The following DHX15 variants were observed in gnomAD, a reference collection of about 807,000 sequenced individuals.
DHX15 encodes the protein DEAH-box helicase 15, also known as ATP-dependent RNA helicase DHX15.
Under a neutral mutation model 94.4 loss-of-function variants are expected in DHX15, and 11 were observed. The ratio of observed to expected loss-of-function variants is 0.12; its 90% confidence interval spans 0.07 to 0.19. DHX15 has a LOEUF of 0.19. Among genes scored for constraint, DHX15 ranks in the 10% least tolerant of loss-of-function variants. The pLI, the probability that DHX15 is intolerant of heterozygous loss-of-function variation, is 1.00. For synonymous variants in DHX15, 338 were observed against 329.9 expected (o/e 1.02, Z -0.27); for missense variants, 304 against 988.5 (o/e 0.31, Z 9.29).
chr4:24,562,680 C>G (rs191784897), intron 3 of DHX15, among the ~76,000 whole-genome samples: 37 of 152,328 alleles, frequency 2.4e-4, no homozygotes, highest in African/African-American at 8.9e-4. Flanking sequence ...CTTTATAAAA[C>G]ATAGTGTAAT....
chr4:24,576,098 TCA>T (rs1722262128), intron 2 of DHX15, 143 bp downstream of exon 2: 1 of 659,070 alleles, frequency 1.5e-6, no homozygotes, highest in African/African-American at 1.8e-5. Context: ...ACTCTGAAAT[TCA>T]GAGTGCCAAT....
At chr4:24,559,819 G>A (rs1227529324) in intron 3 of DHX15, among the ~76,000 whole-genome samples, 1 of 152,146 alleles carries the variant, frequency 6.6e-6, no homozygotes, top group African/African-American at 2.4e-5. Context: ...CAGAAATTTT[G>A]AAGGTGAGGC....
At chr4:24,583,384 T>G (rs60187487) in intron 1 of DHX15, among the ~76,000 whole-genome samples, 28,644 of 151,746 alleles carry the variant, frequency 0.19, 3,202 homozygotes, top group East Asian at 0.39. Flanking sequence ...TGTTTCGCCA[T>G]AAATACTAAA....
intron 3 of DHX15, among the ~76,000 whole-genome samples, chr4:24,561,000 A>C (rs1404638746): frequency 6.6e-6 from 1 of 152,232 alleles, no homozygotes; most frequent in Non-Finnish European, 1.5e-5. Flanking sequence ...AGTATATAAA[A>C]ATCTCTATGG....
chr4:24,543,217 T>C (rs191764928), intron 6 of DHX15, among the ~76,000 whole-genome samples, 191 bp from the exon 7 acceptor site: 6 of 152,266 alleles, frequency 3.9e-5, no homozygotes, highest in African/African-American at 1.4e-4. Context: ...AAATTTTGTT[T>C]ACACCACAAC....
At chr4:24,563,821 T>C (rs1410287376) in intron 3 of DHX15, among the ~76,000 whole-genome samples, 1 of 152,002 alleles carries the variant, frequency 6.6e-6, no homozygotes, top group Non-Finnish European at 1.5e-5. Flanking sequence ...ATCCCAGCAC[T>C]TTGGGAGGCC....
intron 3 of DHX15, among the ~76,000 whole-genome samples, chr4:24,563,752 T>C (rs895672308): frequency 5.3e-5 from 8 of 152,104 alleles, no homozygotes; most frequent in African/African-American, 1.7e-4. Flanking sequence ...GCTAGACTTT[T>C]GATAGTTGCT....
At chr4:24,543,177 T>TA in intron 6 of DHX15, 151 bp from the exon 7 acceptor site, 1 of 570,404 alleles carries the variant, frequency 1.8e-6, no homozygotes, top group Non-Finnish European at 3.0e-6. Flanking sequence ...GCCAATGCTT[T>TA]AAAAAGGTAA....
rs147696219 is a variant in DHX15, at chr4:24,545,646, T to G, written c.1249-2620A>C. ...ACACACACACAATGCAAAAGCGAACTAATAAATGACAAGATAAAAGCTTCT... is the reference window on the plus strand; with the variant it reads ...ACACACACACAATGCAAAAGCGAACGAATAAATGACAAGATAAAAGCTTCT... On this transcript the variant is annotated intron_variant, in intron 6 of 13. Coordinates refer to ENST00000336812, the MANE Select transcript of DHX15 (RefSeq NM_001358.3). Among the ~76,000 whole-genome samples, 22 of 152,274 alleles carry G rather than the reference T, an allele frequency of 1.4e-4. No individual in the cohort carries two copies. In the East Asian group the frequency reaches 4.1e-3, roughly 28 times the overall value.
intron 13 of DHX15, among the ~76,000 whole-genome samples, chr4:24,529,359 T>A (rs1381610023): frequency 6.6e-6 from 1 of 152,194 alleles, no homozygotes; most frequent in Non-Finnish European, 1.5e-5. Flanking sequence ...CTTTTCATGC[T>A]ATTCAAATGT....
chr4:24,528,829 G>A (rs1001278765), intron 13 of DHX15, among the ~76,000 whole-genome samples: 4 of 151,856 alleles, frequency 2.6e-5, no homozygotes, highest in African/African-American at 9.7e-5. Context: ...TGCCTGCACA[G>A]TTCCTAAAAA....
intron 3 of DHX15, among the ~76,000 whole-genome samples, chr4:24,559,375 T>TAAAAAAAAAAA (rs535455690): frequency 4.3e-5 from 4 of 93,360 alleles, no homozygotes; most frequent in Non-Finnish European, 6.8e-5. Flanking sequence ...TTTAAGCCAC[T>TAAAAAAAAAAA]AAAAAAAAAA....
chr4:24,563,066 T>C (rs1721917172), intron 3 of DHX15: 1 of 151,958 alleles, frequency 6.6e-6, no homozygotes, highest in South Asian at 2.1e-4. Context: ...ATAGGTCTTA[T>C]ATTTAAATGT....
intron 3 of DHX15, among the ~76,000 whole-genome samples, chr4:24,568,274 C>T (rs975118658): frequency 1.1e-4 from 17 of 152,172 alleles, no homozygotes; most frequent in African/African-American, 4.1e-4. Flanking sequence ...TTTAATGAAG[C>T]ATTCCCATTA....
chr4:24,553,114 G>C (rs913467751), intron 5 of DHX15, among the ~76,000 whole-genome samples: 1 of 152,078 alleles, frequency 6.6e-6, no homozygotes, highest in African/African-American at 2.4e-5. Context: ...CCTGAAGTTG[G>C]GAGTTCAAGA....
At position 24,536,381 on chromosome 4, in the gene DHX15, CAA is replaced by C. The variant is rs1400124040; in HGVS notation, c.1909+668_1909+669del. Among the ~76,000 whole-genome samples, 6 of 152,164 alleles carry C rather than the reference CAA, an allele frequency of 3.9e-5. No individual in the cohort carries two copies. The East Asian group carries it at 1.2e-3, about 29-fold the overall frequency. On this transcript the variant is annotated intron_variant, in intron 11 of 13. Coordinates refer to ENST00000336812, the MANE Select transcript of DHX15 (RefSeq NM_001358.3). ...ATAACTTTCTAAATTATTTCTGGGTCAAAGAGTATACAGTTGCTAAAGTTCCT... is the reference window on the plus strand; with the variant it reads ...ATAACTTTCTAAATTATTTCTGGGTCAGAGTATACAGTTGCTAAAGTTCCT...
chr4:24,582,583 T>C (rs1299216812), intron 1 of DHX15, among the ~76,000 whole-genome samples: 1 of 152,230 alleles, frequency 6.6e-6, no homozygotes, highest in Non-Finnish European at 1.5e-5. Context: ...AAGAACTAAG[T>C]GTTCCCTACT....
At chr4:24,555,035 G>A in intron 4 of DHX15, 92 bp from the exon 5 acceptor site, 1 of 906,024 alleles carries the variant, frequency 1.1e-6, no homozygotes, top group Non-Finnish European at 1.6e-6. Context: ...ACATATATCA[G>A]CTATAAAAAT....
chr4:24,539,475 A>G (rs1721262001), intron 10 of DHX15, among the ~76,000 whole-genome samples: 1 of 152,154 alleles, frequency 6.6e-6, no homozygotes, highest in African/African-American at 2.4e-5. Flanking sequence ...TAAAAACAGC[A>G]TTATTTCCTT....
Sources: allele counts gnomAD v4.1 joint callset (sites outside exome capture counted in the v4.1 genomes callset), GRCh38; gene constraint gnomAD v4.1.1; transcripts MANE v1.5; gene names NCBI Gene and HGNC (gene_info 2026-07-23, HGNC 2026-07-21).